MOBP: variants seen among roughly 807,000 people sequenced by gnomAD.
MOBP encodes the protein myelin-associated oligodendrocyte basic protein.
In MOBP, 5 loss-of-function variants were observed where a neutral mutation model predicts 15.0. That is an observed-to-expected ratio of 0.33 (90% CI 0.17 to 0.70). The LOEUF (loss-of-function observed/expected upper bound fraction) is 0.70, where lower values mean the gene tolerates loss of function less well. MOBP is among the 30% of genes least tolerant of loss of function. The pLI, the probability that MOBP is intolerant of heterozygous loss-of-function variation, is 0.67. For synonymous variants in MOBP, 88 were observed against 99.0 expected (o/e 0.89, Z 0.66); for missense variants, 188 against 257.8 (o/e 0.73, Z 1.85).
At chr3:39,522,910 A>T (rs2043287496) in intron 3 of MOBP, among the ~76,000 whole-genome samples, 1 of 152,232 alleles carries the variant, frequency 6.6e-6, no homozygotes, top group Non-Finnish European at 1.5e-5. Context: ...GAAGGGCTGC[A>T]GCCAGAGACC....
chr3:39,486,730 G>T (rs930488187), intron 2 of MOBP, among the ~76,000 whole-genome samples: 9 of 151,986 alleles, frequency 5.9e-5, no homozygotes, highest in African/African-American at 1.5e-4. Context: ...ATGCTTATGG[G>T]TCATCCATGA....
chr3:39,480,384 C>T (rs1414831610), intron 2 of MOBP, among the ~76,000 whole-genome samples: 2 of 152,200 alleles, frequency 1.3e-5, no homozygotes, highest in Non-Finnish European at 2.9e-5. Flanking sequence ...TTGGCAAACC[C>T]ACATATCATG....
At chr3:39,513,804 A>G (rs981198833) in exon 5 of MOBP, 1 of 220,132 alleles carries the variant, frequency 4.5e-6, no homozygotes, top group African/African-American at 2.3e-5. Context: ...TCCTCCAAAT[A>G]TTCCCTTCTA....
At chr3:39,499,833 C>T (rs1394255512) in intron 2 of MOBP, 4 of 344,878 alleles carry the variant, frequency 1.2e-5, no homozygotes, top group Admixed American at 3.8e-5. Context: ...TGAGGGCTCT[C>T]GGGGGTAATG....
chr3:39,522,631 A>G (rs966594913), intron 3 of MOBP, among the ~76,000 whole-genome samples: 12 of 152,234 alleles, frequency 7.9e-5, no homozygotes, highest in African/African-American at 2.7e-4. Context: ...GAAATGTCCC[A>G]TTTTTGTAAT....
At position 39,479,722 on chromosome 3, in the gene MOBP, G is replaced by A. The variant is rs75044593; in HGVS notation, c.-88-318G>A. Among the ~76,000 whole-genome samples, 381 of 151,410 alleles carry A rather than the reference G, an allele frequency of 2.5e-3. 4 individuals are homozygous for A. The highest frequency in any genetic ancestry group is 2.5e-3 in the Non-Finnish European group (172 of 67,910). The stretch of plus-strand genomic sequence containing the variant: ...TTATCAAGTTTATAAGCAAAAATTC[G>A]GCTTGTAAAGCTCAAATTTACTGGG... On this transcript the variant is annotated intron_variant, in intron 1 of 3. Transcript: ENST00000684792.
At chr3:39,525,122 A>C (rs1002834060), downstream of MOBP, 4 of 152,208 alleles carry the variant, frequency 2.6e-5, no homozygotes, top group Non-Finnish European at 4.4e-5. Flanking sequence ...TTTTGGAAAA[A>C]AAAAGATTTA....
chr3:39,503,034 G>C, downstream of MOBP: 1 of 551,836 alleles, frequency 1.8e-6, no homozygotes, highest in South Asian at 2.7e-5. Context: ...GAAATACCTA[G>C]TGTGGCTTCT....
chr3:39,498,227 T>C (rs1395576078), intron 2 of MOBP, among the ~76,000 whole-genome samples: 1 of 152,222 alleles, frequency 6.6e-6, no homozygotes, highest in Admixed American at 6.5e-5. Context: ...GAGGGTGGCA[T>C]GGGGCCGATA....
downstream of MOBP, among the ~76,000 whole-genome samples, chr3:39,507,115 A>G (rs1358837848): frequency 6.6e-6 from 1 of 152,164 alleles, no homozygotes; most frequent in Non-Finnish European, 1.5e-5. Flanking sequence ...GGTTTTAATT[A>G]TGACTCACGT....
chr3:39,514,160 A>G (rs958474015), exon 5 of MOBP: 1 of 152,290 alleles, frequency 6.6e-6, no homozygotes, highest in Non-Finnish European at 1.5e-5. Context: ...CTCCAACCTT[A>G]CATGAGGCTT....
Position 39,469,030 on chromosome 3 carries a change from A to ATACATATATACATATGTGTGTGTG in MOBP, c.-89+1292_-89+1293insCATATATACATATGTGTGTGTGTA, listed in dbSNP as rs1559411947. Among the ~76,000 whole-genome samples, 16 of 72,130 alleles carry ATACATATATACATATGTGTGTGTG rather than the reference A, an allele frequency of 2.2e-4. 3 individuals are homozygous for ATACATATATACATATGTGTGTGTG. The highest frequency in any genetic ancestry group is 6.1e-4 in the Admixed American group (5 of 8,148). 47.3% of individuals were successfully genotyped at this position (72,130 alleles called of 152,430 possible). A position where few individuals can be genotyped will look rare whatever the true frequency, so the allele number is the denominator to read the frequency against. ...TACATATATACATATGTGTGTATATATATACATATATACATATGTGTGTGT... is the reference window on the plus strand; with the variant it reads ...TACATATATACATATGTGTGTATATATACATATATACATATGTGTGTGTGTATACATATATACATATGTGTGTGT... On this transcript the variant is annotated intron_variant, in intron 1 of 3. Transcript: ENST00000684792.
At chr3:39,476,354 G>A (rs1367830082) in intron 1 of MOBP, among the ~76,000 whole-genome samples, 2 of 152,194 alleles carry the variant, frequency 1.3e-5, no homozygotes, top group Non-Finnish European at 2.9e-5. Context: ...CTATTGGGGT[G>A]TTACTTCTTC....
At chr3:39,489,688 C>CCCA (rs1037100364) in intron 2 of MOBP, among the ~76,000 whole-genome samples, 1 of 151,236 alleles carries the variant, frequency 6.6e-6, no homozygotes, top group South Asian at 2.1e-4. Flanking sequence ...TGTATTGTTC[C>CCCA]CCGCCCAGCT....
At chr3:39,480,479 T>G (rs1350208300) in intron 2 of MOBP, among the ~76,000 whole-genome samples, 1 of 152,186 alleles carries the variant, frequency 6.6e-6, no homozygotes, top group Non-Finnish European at 1.5e-5. Context: ...TCCATCTTTT[T>G]GTGTTAACTG....
intron 1 of MOBP, among the ~76,000 whole-genome samples, chr3:39,471,343 A>G (rs1232635804): frequency 6.6e-6 from 1 of 151,958 alleles, no homozygotes; most frequent in Non-Finnish European, 1.5e-5. Flanking sequence ...GTTAGCCAGG[A>G]TGGTCTCAAT....
At chr3:39,490,747 G>A (rs2042783151) in intron 2 of MOBP, among the ~76,000 whole-genome samples, 1 of 152,160 alleles carries the variant, frequency 6.6e-6, no homozygotes, top group East Asian at 1.9e-4. Context: ...ACTTTTAGTA[G>A]AGATGAGGTT....
intron 3 of MOBP, among the ~76,000 whole-genome samples, chr3:39,521,575 A>C (rs1055559253): frequency 1.3e-5 from 2 of 152,222 alleles, no homozygotes; most frequent in Non-Finnish European, 2.9e-5. Flanking sequence ...TAAAAGATAA[A>C]AATGAAAGTG....
downstream of MOBP, among the ~76,000 whole-genome samples, chr3:39,518,945 T>A (rs1768267): frequency 0.31 from 46,480 of 152,108 alleles, 9,282 homozygotes; most frequent in African/African-American, 0.57. Flanking sequence ...GGGCATCCTA[T>A]GGGAGCCAGG....
Sources: allele counts gnomAD v4.1 joint callset (sites outside exome capture counted in the v4.1 genomes callset), GRCh38; gene constraint gnomAD v4.1.1; transcripts MANE v1.5; gene names NCBI Gene and HGNC (gene_info 2026-07-23, HGNC 2026-07-21).